The following BLTP1 variants were observed in gnomAD, a reference collection of about 807,000 sequenced individuals.
BLTP1 encodes the protein fragile site-associated protein.
At chr4:122,336,110 A>T in the BLTP1 span, 1 of 1,176,126 alleles carries the variant, frequency 8.5e-7, no homozygotes, top group Non-Finnish European at 1.2e-6. Context: ...ACTTTGCTTG[A>T]TTAAACTTTA....
the BLTP1 span, chr4:122,305,754 A>G: frequency 1.5e-6 from 2 of 1,359,348 alleles, no homozygotes; most frequent in Non-Finnish European, 1.9e-6. Flanking sequence ...ATATACATTA[A>G]CAGCTGAATT....
chr4:122,242,288 C>G, the BLTP1 span, among the ~76,000 whole-genome samples: 1 of 152,062 alleles, frequency 6.6e-6, no homozygotes, highest in African/African-American at 2.4e-5. Context: ...AAATATTCTT[C>G]TGCCATAAAA....
the BLTP1 span, among the ~76,000 whole-genome samples, chr4:122,290,447 G>A: frequency 2.0e-5 from 3 of 151,854 alleles, no homozygotes; most frequent in Admixed American, 2.0e-4. Flanking sequence ...ATATCAAGCT[G>A]GTAAACTTAT....
chr4:122,332,641 T>TTTA, the BLTP1 span, among the ~76,000 whole-genome samples: 1 of 150,898 alleles, frequency 6.6e-6, no homozygotes, highest in East Asian at 2.0e-4. Context: ...TTTTTTTTTT[T>TTTA]TTATTATACT....
the BLTP1 span, chr4:122,328,701 T>C: frequency 5.1e-6 from 5 of 983,236 alleles, no homozygotes; most frequent in East Asian, 3.4e-4. Flanking sequence ...CAAGGAGATA[T>C]GTAATAGTGA....
At chr4:122,212,071 G>A in the BLTP1 span, 3 of 984,524 alleles carry the variant, frequency 3.0e-6, no homozygotes, top group Non-Finnish European at 3.6e-6. Context: ...AATTAATTCT[G>A]GAGAGAGGGA....
chr4:122,240,472 T>G, the BLTP1 span: 1 of 792,734 alleles, frequency 1.3e-6, no homozygotes, highest in Non-Finnish European at 2.0e-6. Flanking sequence ...AGAGACTTTC[T>G]GAAGCCATAG....
At chr4:122,227,576 C>G in the BLTP1 span, 53 of 584,220 alleles carry the variant, frequency 9.1e-5, no homozygotes, top group East Asian at 1.4e-4. Context: ...GTTTTTCTTT[C>G]TAGTTCGTTC....
chr4:122,169,976 A>G, the BLTP1 span: 2 of 985,184 alleles, frequency 2.0e-6, no homozygotes, highest in Non-Finnish European at 2.4e-6. Flanking sequence ...TTTAATGTAG[A>G]TGGCTAGTAT....
the BLTP1 span, chr4:122,238,045 G>T: frequency 6.4e-7 from 1 of 1,572,896 alleles, no homozygotes; most frequent in East Asian, 2.3e-5. Context: ...TTTATAAACT[G>T]CTGTTGAGAT....
chr4:122,341,047 G>T, the BLTP1 span, among the ~76,000 whole-genome samples: 5 of 151,942 alleles, frequency 3.3e-5, no homozygotes, highest in Non-Finnish European at 7.4e-5. Flanking sequence ...TAAAATTAAT[G>T]GCTATAAGAT....
the BLTP1 span, among the ~76,000 whole-genome samples, chr4:122,320,672 TTAAA>T: frequency 1.3e-5 from 2 of 152,164 alleles, no homozygotes; most frequent in Non-Finnish European, 1.5e-5. Context: ...CTATGTGTCT[TTAAA>T]TATATATGCT....
At chr4:122,269,275 T>G in the BLTP1 span, among the ~76,000 whole-genome samples, 3 of 151,760 alleles carry the variant, frequency 2.0e-5, no homozygotes, top group Non-Finnish European at 4.4e-5. Context: ...TATATAGAGA[T>G]ATAGATTATA....
the BLTP1 span, chr4:122,209,093 G>A: frequency 3.0e-5 from 42 of 1,399,822 alleles, no homozygotes; most frequent in East Asian, 5.1e-4. Context: ...AGGTTTGCCC[G>A]TAAGTATTAA....
At chr4:122,348,539 A>G in the BLTP1 span, 1 of 1,553,996 alleles carries the variant, frequency 6.4e-7, no homozygotes, top group Non-Finnish European at 8.7e-7. Context: ...TATGTGAATG[A>G]ACATGTATTT....
chr4:122,239,414 G>C, the BLTP1 span: 4 of 977,938 alleles, frequency 4.1e-6, no homozygotes, highest in African/African-American at 1.6e-5. Context: ...TACTTGTAAA[G>C]TACATGATTA....
At chr4:122,257,717 G>T in the BLTP1 span, among the ~76,000 whole-genome samples, 1 of 152,026 alleles carries the variant, frequency 6.6e-6, no homozygotes, top group African/African-American at 2.4e-5. Context: ...TTGTTAATAT[G>T]GTACTTGTGA....
At chr4:122,227,014 GAT>G in the BLTP1 span, 2 of 556,556 alleles carry the variant, frequency 3.6e-6, no homozygotes, top group Non-Finnish European at 5.4e-6. Context: ...TAAAATATGA[GAT>G]AATTATTAAA....
chr4:122,290,481 A>G, the BLTP1 span, among the ~76,000 whole-genome samples: 107 of 152,124 alleles, frequency 7.0e-4, 2 homozygotes, highest in Admixed American at 6.0e-3. Flanking sequence ...TACTTTCAAG[A>G]TAGTTTTATT....
Sources: allele counts gnomAD v4.1 joint callset (sites outside exome capture counted in the v4.1 genomes callset), GRCh38; gene constraint gnomAD v4.1.1; transcripts MANE v1.5; gene names NCBI Gene and HGNC (gene_info 2026-07-23, HGNC 2026-07-21).